Variants in CADM2 observed in about 807,000 individuals in gnomAD.
CADM2 encodes the protein cell adhesion molecule 2.
A neutral mutation model predicts 49.8 loss-of-function variants in CADM2; 12 were observed. That is an observed-to-expected ratio of 0.24 (90% CI 0.15 to 0.39). CADM2 has a LOEUF of 0.39. CADM2 is among the 10% of genes least tolerant of loss of function. The pLI is 1.00. For synonymous variants in CADM2, 214 were observed against 175.4 expected, an observed-to-expected ratio of 1.22 and a Z score of -1.74; for missense variants, 378 against 492.3, an observed-to-expected ratio of 0.77 and a Z score of 2.20.
intron 1 of CADM2, among the ~76,000 whole-genome samples, chr3:85,025,328 GT>G (rs774254163): frequency 6.6e-6 from 1 of 152,100 alleles, no homozygotes; most frequent in Non-Finnish European, 1.5e-5. Context: ...GTCAAGAAAT[GT>G]GCTGATTCTA....
At chr3:85,207,050 ATGTGTGTG>A (rs3085116) in intron 1 of CADM2, among the ~76,000 whole-genome samples, 9,719 of 144,918 alleles carry the variant, frequency 0.067, 1,052 homozygotes, top group African/African-American at 0.23. Context: ...GAAGAAATAA[ATGTGTGTG>A]TGTGTGTGTG....
intron 1 of CADM2, among the ~76,000 whole-genome samples, chr3:85,421,688 T>C (rs1366717394): frequency 6.6e-5 from 10 of 152,208 alleles, no homozygotes; most frequent in Non-Finnish European, 1.0e-4. Flanking sequence ...TACAGTACTG[T>C]GTTTTGCTTC....
intron 1 of CADM2, among the ~76,000 whole-genome samples, chr3:85,353,310 C>A (rs2031533195): frequency 6.6e-6 from 1 of 151,948 alleles, no homozygotes; most frequent in African/African-American, 2.4e-5. Context: ...GGCCATTTCC[C>A]CCTCTCAATT....
intron 1 of CADM2, among the ~76,000 whole-genome samples, chr3:85,362,041 G>T (rs143226864): frequency 6.6e-6 from 1 of 152,276 alleles, no homozygotes; most frequent in Non-Finnish European, 1.5e-5. Flanking sequence ...AGGAGATTTG[G>T]GGTAGCATCA....
At chr3:85,919,910 AGTT>A (rs1718874743) in intron 6 of CADM2, among the ~76,000 whole-genome samples, 1 of 151,912 alleles carries the variant, frequency 6.6e-6, no homozygotes, top group Non-Finnish European at 1.5e-5. Flanking sequence ...TTGGTAATTC[AGTT>A]GTTCGTATCT....
At chr3:85,508,481 C>T (rs537546251) in intron 1 of CADM2, among the ~76,000 whole-genome samples, 1 of 152,142 alleles carries the variant, frequency 6.6e-6, no homozygotes, top group Non-Finnish European at 1.5e-5. Context: ...ACTTTTTCTA[C>T]TTCCAGCTAC....
chr3:85,812,355 G>C (rs1271546053), intron 3 of CADM2, among the ~76,000 whole-genome samples: 2 of 151,826 alleles, frequency 1.3e-5, no homozygotes, highest in Non-Finnish European at 2.9e-5. Flanking sequence ...TTCCTTTAAA[G>C]TAATTATAAC....
chr3:85,570,473 A>C (rs1018107658), intron 1 of CADM2, among the ~76,000 whole-genome samples: 2 of 152,176 alleles, frequency 1.3e-5, no homozygotes, highest in Non-Finnish European at 2.9e-5. Context: ...AATTGTAGAT[A>C]TATATTTACT....
intron 1 of CADM2, among the ~76,000 whole-genome samples, chr3:85,154,991 G>A (rs62250648): frequency 6.6e-6 from 1 of 151,732 alleles, no homozygotes; most frequent in Admixed American, 6.6e-5. Context: ...AATCATGCCA[G>A]AATGTAAAGA....
At chr3:85,173,187 A>G (rs918731743) in intron 1 of CADM2, among the ~76,000 whole-genome samples, 2 of 151,380 alleles carry the variant, frequency 1.3e-5, no homozygotes, top group African/African-American at 2.4e-5. Context: ...CTATTTTTAC[A>G]TATAAATATA....
chr3:85,459,888 C>T (rs1286283068), intron 1 of CADM2, among the ~76,000 whole-genome samples: 1 of 150,602 alleles, frequency 6.6e-6, no homozygotes, highest in African/African-American at 2.4e-5. Flanking sequence ...TTTTTATGTC[C>T]ACCATACATG....
At chr3:86,028,758 G>C (rs1734222492) in intron 8 of CADM2, among the ~76,000 whole-genome samples, 1 of 152,096 alleles carries the variant, frequency 6.6e-6, no homozygotes, top group Admixed American at 6.6e-5. Context: ...TTATTTTCTA[G>C]ATGAGTGAGC....
chr3:85,483,271 C>G (rs920853991), intron 1 of CADM2, among the ~76,000 whole-genome samples: 1 of 151,230 alleles, frequency 6.6e-6, no homozygotes, highest in African/African-American at 2.4e-5. Flanking sequence ...AACAATGTTA[C>G]CTGGTAAGTT....
Position 85,435,084 on chromosome 3 carries a change from ATAG to A in CADM2, c.62-291435_62-291433del, listed in dbSNP as rs1414198960. On this transcript the variant is annotated intron_variant, in intron 1 of 9. Coordinates refer to ENST00000383699, the MANE Select transcript of CADM2 (RefSeq NM_001167675.2). ...TATGCAGAATGTGCAGGTTTGTTAC[ATAG>A]TATACATGTGCCATGGTGATCTGCT... is the stretch of plus-strand genomic sequence containing the variant. Among the ~76,000 whole-genome samples the A allele has an allele frequency of 5.5e-4, 83 of 151,962 alleles. 2 individuals carry two copies. Among genetic ancestry groups the A allele is most frequent in the Non-Finnish European group, 1.0e-4 (7 of 67,978 alleles).
At chr3:85,208,150 T>C (rs1377070860) in intron 1 of CADM2, among the ~76,000 whole-genome samples, 1 of 152,178 alleles carries the variant, frequency 6.6e-6, no homozygotes, top group Non-Finnish European at 1.5e-5. Flanking sequence ...TTTTACATTA[T>C]TGATATGATT....
In CADM2 at chr3:86,070,898, A is replaced by G. The variant is rs1487324228; in HGVS notation, c.*4115A>G. 6.6e-6 allele frequency: 1 copy of G among 151,892 alleles called. No individual in the cohort carries two copies. Among genetic ancestry groups the G allele is most frequent in the Non-Finnish European group, 1.5e-5 (1 of 67,818 alleles). 9.4% of individuals were successfully genotyped at this position (151,892 alleles called of 1,614,324 possible). A position where few individuals can be genotyped will look rare whatever the true frequency, so the allele number is the denominator to read the frequency against. The stretch of plus-strand genomic sequence containing the variant: ...ATTTGTTTTGAAATATACACTGGCA[A>G]TATTGAAATATACTCAGTGCAATAT... On this transcript the variant is annotated 3_prime_UTR_variant, in exon 10 of 10. Transcript: ENST00000383699.
intron 8 of CADM2, among the ~76,000 whole-genome samples, chr3:85,987,229 C>T (rs1005234430): frequency 2.0e-5 from 3 of 151,962 alleles, no homozygotes; most frequent in Non-Finnish European, 1.5e-5. Context: ...AACATTTATG[C>T]TCTCTTCTAT....
chr3:85,667,810 A>C (rs1026010542), intron 1 of CADM2, among the ~76,000 whole-genome samples: 1 of 152,034 alleles, frequency 6.6e-6, no homozygotes, highest in Non-Finnish European at 1.5e-5. Context: ...TAACTCCTTA[A>C]ATCTCTATTT....
chr3:85,589,447 C>A (rs896232810), intron 1 of CADM2, among the ~76,000 whole-genome samples: 1 of 151,972 alleles, frequency 6.6e-6, no homozygotes, highest in African/African-American at 2.4e-5. Flanking sequence ...CCCTAACCAG[C>A]CCATGATCAC....
Sources: allele counts gnomAD v4.1 joint callset (sites outside exome capture counted in the v4.1 genomes callset), GRCh38; gene constraint gnomAD v4.1.1; transcripts MANE v1.5; gene names NCBI Gene and HGNC (gene_info 2026-07-23, HGNC 2026-07-21).